STAB1: variants seen among roughly 807,000 people sequenced by gnomAD.
STAB1 encodes the protein stabilin-1.
A neutral mutation model predicts 332.4 loss-of-function variants in STAB1; 250 were observed. The ratio of observed to expected loss-of-function variants is 0.75; its 90% CI spans 0.68 to 0.84. The LOEUF (loss-of-function observed/expected upper bound fraction) is 0.84, where lower values mean the gene tolerates loss of function less well. Among genes scored for constraint, STAB1 ranks in the 40% least tolerant of loss-of-function variants. The probability of loss-of-function intolerance (pLI) is 0.00; values close to 1 mark genes in which losing one functional copy is unlikely to be tolerated. For missense variants in STAB1, 3,249 were observed against 3,489.7 expected, an observed-to-expected ratio of 0.93 and a Z score of 1.74; for synonymous variants, 1,475 against 1,390.4, an observed-to-expected ratio of 1.06 and a Z score of -1.35.
In STAB1 at chr3:52,497,484, C is replaced by T. The variant is rs184972317; in HGVS notation, c.78+1993C>T. Among the ~76,000 whole-genome samples, 18 of 145,430 alleles carry T rather than the reference C, an allele frequency of 1.2e-4. 1 individual carries two copies. In the East Asian group the frequency reaches 3.4e-3, roughly 28 times the overall value. On this transcript the variant is annotated intron_variant, in intron 1 of 68. Transcript: ENST00000321725. ...CTGCATTACAGTGGCGCTATCTCAGCTCACTGCAACCTCTGCCTCCCAGCT... is the reference window on the plus strand; with the variant it reads ...CTGCATTACAGTGGCGCTATCTCAGTTCACTGCAACCTCTGCCTCCCAGCT...
Position 52,520,227 on chromosome 3 carries a change from C to T in STAB1, c.5436C>T (p.Asn1812=), listed in dbSNP as rs144421295. The part of the protein sequence containing the change: ...NVEALASDLP[N]LGPLRTMHGT... ...AGGCCTTGGCATCTGACCTGCCCAA[C>T]CTGGGCCCACTTCGAACCATGCATG... The change falls in exon 52 of 69, where the codon AAC becomes AAT. Residue 1812 remains asparagine (N), a synonymous_variant. Transcript: ENST00000321725. 3.7e-6 allele frequency: 6 copies of T among 1,613,180 alleles called. No individual in the cohort carries two copies. Among genetic ancestry groups the T allele is most frequent in the Non-Finnish European group, 5.1e-6 (6 of 1,180,030 alleles).
In STAB1 at chr3:52,524,140, A is replaced by G; in HGVS notation, c.7583A>G (p.Glu2528Gly). The change falls in exon 68 of 69, where the codon GAA becomes GGA. Residue 2528 changes from glutamate to glycine, a missense_variant. Physicochemically the swap from Glu to Gly is moderately conservative, Grantham distance 98 (BLOSUM62 -2). Transcript: ENST00000321725. Reference sequence around the variant, plus strand: ...GATGACGACTTCTCACCGTGGCAAGAAGGGACCAACCCCACCCTGGTCTCT... The same window carrying G: ...GATGACGACTTCTCACCGTGGCAAGGAGGGACCAACCCCACCCTGGTCTCT... The part of the protein sequence containing the change: ...DADDDFSPWQ[E>G]GTNPTLVSVP... The G allele has an allele frequency of 6.2e-7, 1 of 1,613,970 alleles. No individual in the cohort carries two copies. The highest frequency in any genetic ancestry group is 2.2e-5 in the East Asian group (1 of 44,880).
Position 52,522,676 on chromosome 3 carries a change from T to A in STAB1, c.6732T>A (p.Ser2244=). ...TCCTTGCTTCATTCCCTCAGCTCTC[T>A]GCTGCCCAGCAGGTGTGTGGGGCCC... ...GAVLASFPQL[S]AAQQLGFHLC... is the part of the protein sequence containing the mutation. The change falls in exon 61 of 69, where the codon TCT becomes TCA. Residue 2244 remains serine, a synonymous_variant. Coordinates refer to ENST00000321725, the MANE Select transcript of STAB1 (RefSeq NM_015136.3). 1 of 1,612,952 alleles carries A rather than the reference T, an allele frequency of 6.2e-7. No homozygotes were observed. Among genetic ancestry groups the A allele is most frequent in the Non-Finnish European group, 8.5e-7 (1 of 1,180,034 alleles).
chr3:52,518,400 C>T, intron 46 of STAB1, 41 bp downstream of exon 46: 1 of 1,603,420 alleles, frequency 6.2e-7, no homozygotes, highest in Non-Finnish European at 8.5e-7. Context: ...GCAAGTCCCA[C>T]CCCTCTCTGG....
At chr3:52,517,234 AG>A (rs1427543737) in intron 42 of STAB1, 85 bp from the exon 43 acceptor site, 189 of 1,027,464 alleles carry the variant, frequency 1.8e-4, no homozygotes, top group Middle Eastern at 1.4e-3. Flanking sequence ...CTGAGAGAGG[AG>A]GGGGTGGGAC....
At chr3:52,506,331 C>T (rs545800526) in intron 17 of STAB1, 81 bp downstream of exon 17, 17 of 1,317,198 alleles carry the variant, frequency 1.3e-5, no homozygotes, top group East Asian at 5.0e-5. Context: ...TTGTGTGCTC[C>T]GAGCCCCGTG....
chr3:52,523,771 G>T lies in STAB1; in HGVS notation c.7395+15G>T. ...CCCCACAGCCCGTGAGTTGAGGAAG[G>T]GGGAGGCAGAGCCCTTCCTGGCACC... On this transcript the variant is annotated intron_variant, in intron 66 of 68. Transcript: ENST00000321725. 1 of 1,594,348 alleles carries T rather than the reference G, an allele frequency of 6.3e-7. No homozygotes were observed. Among genetic ancestry groups the T allele is most frequent in the Non-Finnish European group, 8.6e-7 (1 of 1,165,642 alleles).
chr3:52,496,945 A>G (rs1708072558), intron 1 of STAB1, among the ~76,000 whole-genome samples: 1 of 152,240 alleles, frequency 6.6e-6, no homozygotes. Context: ...ACTTGGGTTC[A>G]ACCAACCCTG....
chr3:52,502,212 G>T lies in STAB1; in HGVS notation c.471G>T (p.Gly157=). The change falls in exon 5 of 69, where the codon GGG becomes GGT. Residue 157 remains glycine, a synonymous_variant. Coordinates refer to ENST00000321725, the MANE Select transcript of STAB1 (RefSeq NM_015136.3). ...AGTGCCAAGACCCCAACCGGTTCGG[G>T]CCTGACTGCCAATCGGGTGAGTGCT... is the stretch of plus-strand genomic sequence containing the variant. ...CQECQDPNRF[G]PDCQSVCSCV... 6.2e-7 allele frequency: 1 copy of T among 1,612,444 alleles called. No individual in the cohort carries two copies.
rs1455692894 is a variant in STAB1 at position 52,521,585 on chromosome 3, C to T, written c.6059-11C>T. ...GCCAATCTTTATCTTCCTGCCTGTC[C>T]CTCTCCCCAGCCTGCCGCTGCACTG... is the stretch of plus-strand genomic sequence containing the variant. On this transcript the variant is annotated splice_polypyrimidine_tract_variant and intron_variant, in intron 56 of 68. Transcript: ENST00000321725. 3 of 1,612,946 alleles carry T rather than the reference C, an allele frequency of 1.9e-6. No homozygotes were observed. Among genetic ancestry groups the T allele is most frequent in the Admixed American group, 1.7e-5 (1 of 59,948 alleles).
At chr3:52,505,164 C>T (rs2153233149) in intron 13 of STAB1, 21 bp downstream of exon 13, 1 of 1,611,726 alleles carries the variant, frequency 6.2e-7, no homozygotes, top group South Asian at 1.1e-5. Flanking sequence ...ATCCTCCCCT[C>T]CCCTCCCCTG....
At chr3:52,510,633 G>A (rs1709230596) in intron 25 of STAB1, 126 bp downstream of exon 25, 3 of 1,237,598 alleles carry the variant, frequency 2.4e-6, no homozygotes, top group Non-Finnish European at 3.3e-6. Context: ...TGAGAACCCA[G>A]TGCTGACATG....
At chr3:52,518,689 C>T in intron 47 of STAB1, 34 bp from the exon 48 acceptor site, 1 of 1,611,982 alleles carries the variant, frequency 6.2e-7, no homozygotes, top group Non-Finnish European at 8.5e-7. Context: ...AGGCGGCAGT[C>T]AGGGACCCCA....
intron 1 of STAB1, among the ~76,000 whole-genome samples, chr3:52,495,731 C>T (rs147938431): frequency 1.3e-5 from 2 of 152,226 alleles, no homozygotes; most frequent in Non-Finnish European, 2.9e-5. Context: ...TATGCGGGGC[C>T]GGGGCTCCCC....
intron 57 of STAB1, 64 bp downstream of exon 57, chr3:52,521,764 G>T: frequency 6.2e-7 from 1 of 1,604,330 alleles, no homozygotes; most frequent in Non-Finnish European, 8.5e-7. Flanking sequence ...ATCAGTAAAG[G>T]CACCAAGGGT....
In STAB1 at chr3:52,523,544, G is replaced by A. The variant is rs779932285; in HGVS notation, c.7258G>A (p.Ala2420Thr). ...HSGLSLIISDAGPDNSSWAPV... is the reference protein window; with the variant it reads ...HSGLSLIISDTGPDNSSWAPV... The stretch of plus-strand genomic sequence containing the variant: ...AGGCCTCAGCCTCATCATCAGTGAC[G>A]CAGGCCCTGACAACAGTTCCTGGGC... The change falls in exon 65 of 69, where the codon GCA (alanine) becomes ACA (threonine). Residue 2420 changes from alanine to threonine, a missense_variant. By Grantham distance (58) the Ala-to-Thr change is moderately conservative (BLOSUM62 0). Transcript: ENST00000321725. The A allele has an allele frequency of 8.1e-6, 13 of 1,612,672 alleles. No homozygotes were observed. The highest frequency in any genetic ancestry group is 4.0e-5 in the African/African-American group (3 of 74,938).
In STAB1 at chr3:52,504,763, A is replaced by G. The variant is rs1432467781; in HGVS notation, c.1264A>G (p.Arg422Gly). 1 of 1,613,712 alleles carries G rather than the reference A, an allele frequency of 6.2e-7. No individual in the cohort carries two copies. The highest frequency in any genetic ancestry group is 1.3e-5 in the African/African-American group (1 of 74,928). Residue 422 changes from arginine (R) to glycine (G), a missense_variant, in exon 12 of 69, where the codon AGA becomes GGA. Coordinates refer to ENST00000321725, the MANE Select transcript of STAB1 (RefSeq NM_015136.3). ...GGCATCCCTTGCCCAGCAGCTCTGT[A>G]GACAGCACATCATCGCAGGGCAGCA... ...MNASLAQQLC[R>G]QHIIAGQHIL...
rs549830425 is a variant in STAB1, at chr3:52,517,987, G to A, written c.4745G>A (p.Arg1582His). ...AHTVGDGLTCRARVGLELLRD... is the reference protein window; with the variant it reads ...AHTVGDGLTCHARVGLELLRD... ...ACCGTGGGGGACGGCCTCACCTGCC[G>A]TGCCCGAGTCGGCCTGGTAATGATG... Residue 1582 changes from arginine (R) to histidine (H), a missense_variant, in exon 45 of 69, where the codon CGT (arginine) becomes CAT (histidine). By Grantham distance (29) the Arg-to-His change is conservative (BLOSUM62 0). Transcript: ENST00000321725. 5.0e-6 allele frequency: 8 copies of A among 1,605,380 alleles called. No individual in the cohort carries two copies. Among genetic ancestry groups the A allele is most frequent in the African/African-American group, 2.7e-5 (2 of 74,572 alleles).
chr3:52,506,934 C>T, intron 18 of STAB1, 84 bp downstream of exon 18: 1 of 1,557,458 alleles, frequency 6.4e-7, no homozygotes, highest in Non-Finnish European at 8.7e-7. Flanking sequence ...GGGAGAGGCG[C>T]TAAGTCAGGG....
Sources: gnomAD v4.1 joint callset for allele counts (sites outside exome capture counted in the v4.1 genomes callset) on GRCh38, gnomAD v4.1.1 for gene constraint, MANE v1.5 for transcripts, NCBI Gene and HGNC (gene_info 2026-07-23, HGNC 2026-07-21) for gene names.